SERGEF: variants seen among roughly 807,000 people sequenced by gnomAD.
The protein encoded by SERGEF is secretion-regulating guanine nucleotide exchange factor.
SERGEF carries 51 observed loss-of-function variants against 50.0 expected under a neutral mutation model. The ratio of observed to expected loss-of-function variants is 1.02; its 90% CI spans 0.81 to 1.29. The LOEUF is 1.29. SERGEF is among the 50% of genes most tolerant of loss of function. The probability of loss-of-function intolerance (pLI) is 0.00; values close to 1 mark genes in which losing one functional copy is unlikely to be tolerated. For missense variants in SERGEF, 521 were observed against 557.0 expected (o/e 0.94, Z 0.65); for synonymous variants, 205 against 212.4 (o/e 0.97, Z 0.30).
chr11:17,840,889 T>C (rs1245859962), intron 10 of SERGEF, among the ~76,000 whole-genome samples: 2 of 152,198 alleles, frequency 1.3e-5, no homozygotes, highest in African/African-American at 2.4e-5. Flanking sequence ...AGTAGATATA[T>C]ATTAATAGCA....
chr11:17,822,011 T>A (rs1850095679), intron 10 of SERGEF, among the ~76,000 whole-genome samples: 1 of 152,192 alleles, frequency 6.6e-6, no homozygotes, highest in Admixed American at 6.5e-5. Flanking sequence ...AAAGAGTCCA[T>A]GAGCCCCTTC....
chr11:17,950,787 T>G (rs746657954), intron 9 of SERGEF, among the ~76,000 whole-genome samples: 8 of 152,180 alleles, frequency 5.3e-5, no homozygotes, highest in Non-Finnish European at 1.5e-5. Flanking sequence ...ATGATTTACT[T>G]TCACCCTGGG....
At chr11:18,012,080 T>C (rs1209632697) in intron 1 of SERGEF, among the ~76,000 whole-genome samples, 1 of 152,158 alleles carries the variant, frequency 6.6e-6, no homozygotes, top group East Asian at 1.9e-4. Flanking sequence ...GGCACACAGA[T>C]GCTCGTTCAT....
intron 1 of SERGEF, among the ~76,000 whole-genome samples, chr11:18,012,255 C>G (rs1279936687): frequency 6.6e-6 from 1 of 152,208 alleles, no homozygotes; most frequent in African/African-American, 2.4e-5. Context: ...GTGATACGTG[C>G]TATGAAGAAG....
intron 9 of SERGEF, among the ~76,000 whole-genome samples, chr11:17,885,612 C>A (rs1319197289): frequency 6.6e-6 from 1 of 152,052 alleles, no homozygotes; most frequent in East Asian, 1.9e-4. Context: ...GCATGACCCA[C>A]CGTACATGCA....
At chr11:17,836,918 A>G (rs1850411198) in intron 10 of SERGEF, among the ~76,000 whole-genome samples, 1 of 152,204 alleles carries the variant, frequency 6.6e-6, no homozygotes, top group South Asian at 2.1e-4. Context: ...ACAGAGCCCT[A>G]TCTTATTCAC....
At chr11:17,882,279 C>T (rs1046327204) in intron 9 of SERGEF, among the ~76,000 whole-genome samples, 1 of 151,908 alleles carries the variant, frequency 6.6e-6, no homozygotes, top group Admixed American at 6.6e-5. Context: ...ATTGGTGGGG[C>T]GTGGTGGCGG....
At chr11:17,913,768 T>TC (rs1851996938) in intron 9 of SERGEF, among the ~76,000 whole-genome samples, 1 of 151,990 alleles carries the variant, frequency 6.6e-6, no homozygotes, top group Non-Finnish European at 1.5e-5. Context: ...GTGGCTGCAG[T>TC]GTAGGCAGCC....
intron 9 of SERGEF, among the ~76,000 whole-genome samples, chr11:17,928,116 A>G (rs981049455): frequency 6.6e-6 from 1 of 152,254 alleles, no homozygotes; most frequent in Non-Finnish European, 1.5e-5. Context: ...ACCAAGCATT[A>G]GTGAATCCAA....
chr11:17,972,441 A>C (rs1853267732), intron 8 of SERGEF, among the ~76,000 whole-genome samples: 1 of 152,218 alleles, frequency 6.6e-6, no homozygotes, highest in African/African-American at 2.4e-5. Context: ...TTCTTCTAAA[A>C]GGCCACCAGC....
At chr11:17,788,462 G>C in intron 10 of SERGEF, 49 bp from the exon 11 acceptor site, 1 of 1,474,322 alleles carries the variant, frequency 6.8e-7, no homozygotes, top group South Asian at 1.3e-5. Context: ...GGATAATAGG[G>C]CTGAAACATT....
chr11:17,980,738 G>A (rs947165312), intron 8 of SERGEF, among the ~76,000 whole-genome samples: 1 of 152,094 alleles, frequency 6.6e-6, no homozygotes, highest in Non-Finnish European at 1.5e-5. Context: ...GCCACAATTT[G>A]TTTAACCAAT....
At chr11:17,905,292 G>A (rs1389522499) in intron 9 of SERGEF, among the ~76,000 whole-genome samples, 37 of 152,292 alleles carry the variant, frequency 2.4e-4, no homozygotes, top group Non-Finnish European at 3.4e-4. Flanking sequence ...TCAATAAATT[G>A]AAGTGTAATT....
Position 17,878,213 on chromosome 11 carries a change from A to C in SERGEF, c.1043T>G (p.Ile348Arg), listed in dbSNP as rs1388233694. The C allele has an allele frequency of 6.3e-7, 1 of 1,577,362 alleles. No homozygotes were observed. Among genetic ancestry groups the C allele is most frequent in the East Asian group, 2.2e-5 (1 of 44,660 alleles). ...VSCGSEHNLAIIGGVCYSWGW... is the reference protein window; with the variant it reads ...VSCGSEHNLARIGGVCYSWGW... The stretch of plus-strand genomic sequence containing the variant: ...TCAGTATAAAAATTACTTACCAATT[A>C]TTGCCAAATTATGCTCTGAGCCACA... Residue 348 changes from isoleucine to arginine, a missense_variant, in exon 10 of 11, where the codon ATA becomes AGA. Transcript: ENST00000265965.
rs958384921 is a variant in SERGEF at position 17,807,339 on chromosome 11, A to C, written c.1049-18926T>G. Reference sequence around the variant, plus strand: ...CTTCCTCAAAGAACTCCCCCCCCACAAAAAAAATTCACCAAAACCCATGCA... The same window carrying C: ...CTTCCTCAAAGAACTCCCCCCCCACCAAAAAAATTCACCAAAACCCATGCA... On this transcript the variant is annotated intron_variant, in intron 10 of 10. Transcript: ENST00000265965. Among the ~76,000 whole-genome samples the C allele has an allele frequency of 5.8e-4, 86 of 148,992 alleles. No homozygotes were observed. The South Asian group carries it at 8.5e-3, about 15-fold the overall frequency.
intron 8 of SERGEF, among the ~76,000 whole-genome samples, chr11:17,966,144 T>G (rs536128282): frequency 6.6e-6 from 1 of 152,200 alleles, no homozygotes; most frequent in Non-Finnish European, 1.5e-5. Flanking sequence ...GAAAGCTCTA[T>G]CATGGAATTT....
intron 9 of SERGEF, among the ~76,000 whole-genome samples, chr11:17,918,338 A>G (rs1050131401): frequency 6.6e-6 from 1 of 152,222 alleles, no homozygotes; most frequent in Non-Finnish European, 1.5e-5. Context: ...CATGGCTTCT[A>G]CAAGAACATG....
intron 8 of SERGEF, among the ~76,000 whole-genome samples, chr11:17,965,294 T>C (rs1853095545): frequency 6.6e-6 from 1 of 152,194 alleles, no homozygotes; most frequent in Non-Finnish European, 1.5e-5. Context: ...TCTGTCATGA[T>C]TGTAAGTTTC....
chr11:17,909,183 T>A (rs996136529), intron 9 of SERGEF, among the ~76,000 whole-genome samples: 1 of 152,216 alleles, frequency 6.6e-6, no homozygotes, highest in African/African-American at 2.4e-5. Context: ...CAAGCCATTG[T>A]TTTCCTAGGA....
Sources: gnomAD v4.1 joint callset for allele counts (sites outside exome capture counted in the v4.1 genomes callset) on GRCh38, gnomAD v4.1.1 for gene constraint, MANE v1.5 for transcripts, NCBI Gene and HGNC (gene_info 2026-07-23, HGNC 2026-07-21) for gene names.